The following NTM variants were observed in gnomAD, a reference collection of about 807,000 sequenced individuals.
NTM encodes the protein neurotrimin, also known as IgLON family member 2.
In NTM, 13 loss-of-function variants were observed where a neutral mutation model predicts 42.1. That is an observed-to-expected ratio of 0.31 (90% CI 0.20 to 0.49). The LOEUF (loss-of-function observed/expected upper bound fraction) is 0.49, where lower values mean the gene tolerates loss of function less well. NTM is among the 20% of genes least tolerant of loss of function. The pLI is 0.99. For missense variants in NTM, 373 were observed against 452.8 expected (o/e 0.82, Z 1.60); for synonymous variants, 187 against 179.2 (o/e 1.04, Z -0.35).
chr11:131,795,018 C>T (rs2091396923), intron 1 of NTM: 1 of 984,540 alleles, frequency 1.0e-6, no homozygotes, highest in African/African-American at 1.7e-5. Context: ...AGCCGTGCTC[C>T]TTCCTGGACC....
chr11:131,838,566 G>T (rs1299975926), intron 1 of NTM, among the ~76,000 whole-genome samples: 4 of 152,144 alleles, frequency 2.6e-5, no homozygotes, highest in African/African-American at 9.7e-5. Flanking sequence ...GATAGTGTAG[G>T]TAAAGTGCCA....
At chr11:132,315,850 G>T (rs1286275924) in intron 7 of NTM, among the ~76,000 whole-genome samples, 1 of 152,164 alleles carries the variant, frequency 6.6e-6, no homozygotes, top group East Asian at 1.9e-4. Context: ...CAGTGGCTTG[G>T]AATGGGCAGA....
chr11:131,688,470 G>A (rs1041309226), intron 1 of NTM, among the ~76,000 whole-genome samples: 13 of 152,264 alleles, frequency 8.5e-5, no homozygotes, highest in African/African-American at 3.1e-4. Flanking sequence ...TTTTGGAGAA[G>A]TCAGTGAGTT....
chr11:131,748,927 C>A (rs2082152693), intron 1 of NTM, among the ~76,000 whole-genome samples: 1 of 152,176 alleles, frequency 6.6e-6, no homozygotes, highest in Non-Finnish European at 1.5e-5. Context: ...AGAGGGGCCC[C>A]GGCTCGGCCT....
rs190105888 is a variant in NTM at position 131,539,844 on chromosome 11, C to T, written c.82+168956C>T. Among the ~76,000 whole-genome samples the T allele has an allele frequency of 5.6e-4, 85 of 152,228 alleles. 2 individuals carry two copies. In the East Asian group the frequency reaches 0.014, roughly 25 times the overall value. ...CTGAGCTACTAGGAGAATGAGAGGC[C>T]CTATGTTATCTGGCCTCTGCCTCTA... On this transcript the variant is annotated intron_variant, in intron 1 of 8. Transcript: ENST00000683400.
At chr11:131,436,067 C>A (rs1283869412) in intron 1 of NTM, among the ~76,000 whole-genome samples, 2 of 152,140 alleles carry the variant, frequency 1.3e-5, no homozygotes, top group African/African-American at 4.8e-5. Flanking sequence ...AACGTTGGAT[C>A]TGTTTATGTG....
rs189011117 is a variant in NTM, at chr11:131,997,321, C to T, written c.167+85673C>T. Among the ~76,000 whole-genome samples the T allele has an allele frequency of 2.6e-5, 4 of 152,320 alleles. No individual in the cohort carries two copies. In the East Asian group the frequency reaches 7.7e-4, roughly 29 times the overall value. On this transcript the variant is annotated intron_variant, in intron 2 of 8. Transcript: ENST00000683400. ...TAGGAATGGCCATACTGCATCATTC[C>T]TGTTCCTCTGTCTATGACTTCTGCA...
chr11:131,690,338 A>G (rs2074494904), intron 1 of NTM, among the ~76,000 whole-genome samples: 1 of 152,188 alleles, frequency 6.6e-6, no homozygotes. Flanking sequence ...GCAGGTAGAG[A>G]TGTGAACCCC....
intron 3 of NTM, among the ~76,000 whole-genome samples, chr11:132,179,194 C>T (rs1400378799): frequency 6.6e-6 from 1 of 152,116 alleles, no homozygotes; most frequent in Non-Finnish European, 1.5e-5. Flanking sequence ...CAAAACCAAA[C>T]CGGATCAAGG....
chr11:132,130,174 A>C (rs2066564677), intron 2 of NTM, among the ~76,000 whole-genome samples: 1 of 152,216 alleles, frequency 6.6e-6, no homozygotes, highest in Non-Finnish European at 1.5e-5. Flanking sequence ...CAGTAATAGG[A>C]AATCATCTTG....
intron 4 of NTM, among the ~76,000 whole-genome samples, chr11:132,270,609 A>C (rs1018308136): frequency 4.0e-5 from 6 of 151,730 alleles, no homozygotes; most frequent in African/African-American, 1.5e-4. Flanking sequence ...TATGACTAAA[A>C]CTGTTATGAA....
At chr11:131,703,188 T>C (rs2076248277) in intron 1 of NTM, among the ~76,000 whole-genome samples, 1 of 152,216 alleles carries the variant, frequency 6.6e-6, no homozygotes, top group African/African-American at 2.4e-5. Flanking sequence ...TTATGTGTTG[T>C]ATATTTCAAA....
chr11:131,848,401 T>A (rs892938026), intron 1 of NTM, among the ~76,000 whole-genome samples: 1 of 152,232 alleles, frequency 6.6e-6, no homozygotes, highest in Non-Finnish European at 1.5e-5. Context: ...CCATTTGGAA[T>A]GCTTTTCATC....
rs1055045203 is a variant in NTM, at chr11:132,236,447, G to C, written c.526+24300G>C. ...GTTTCCATCTGCTTCACATTTGTCAGCCGCTTCTCCAATTGTAACTTGGGA... is the reference window on the plus strand; with the variant it reads ...GTTTCCATCTGCTTCACATTTGTCACCCGCTTCTCCAATTGTAACTTGGGA... On this transcript the variant is annotated intron_variant, in intron 4 of 8. Coordinates refer to ENST00000683400, the MANE Select transcript of NTM (RefSeq NM_001352005.2). Among the ~76,000 whole-genome samples, 4 of 152,260 alleles carry C rather than the reference G, an allele frequency of 2.6e-5. No homozygotes were observed. In the South Asian group the frequency reaches 8.3e-4, roughly 32 times the overall value.
chr11:131,587,694 G>C (rs554734607), intron 1 of NTM, among the ~76,000 whole-genome samples: 1 of 152,138 alleles, frequency 6.6e-6, no homozygotes, highest in African/African-American at 2.4e-5. Context: ...CTGCATGAGT[G>C]GAATTGTATC....
chr11:131,684,442 C>T (rs1415209252), intron 1 of NTM, among the ~76,000 whole-genome samples: 2 of 152,238 alleles, frequency 1.3e-5, no homozygotes, highest in African/African-American at 4.8e-5. Flanking sequence ...CTTTTCTCAA[C>T]AGCCTCTGAG....
chr11:131,880,355 G>A (rs1476757101), intron 1 of NTM, among the ~76,000 whole-genome samples: 1 of 152,216 alleles, frequency 6.6e-6, no homozygotes, highest in African/African-American at 2.4e-5. Flanking sequence ...ATAGGCTAGA[G>A]AAGGAGAGGA....
chr11:132,143,149 C>G (rs1448116651), intron 2 of NTM, among the ~76,000 whole-genome samples: 1 of 152,152 alleles, frequency 6.6e-6, no homozygotes, highest in African/African-American at 2.4e-5. Context: ...AAAACTGTTT[C>G]ATACCAGGGT....
intron 2 of NTM, among the ~76,000 whole-genome samples, chr11:132,067,247 A>G (rs939161192): frequency 6.6e-6 from 1 of 152,220 alleles, no homozygotes; most frequent in Non-Finnish European, 1.5e-5. Flanking sequence ...ACTGTACCCA[A>G]CCAGCTTTTG....
Sources: gnomAD v4.1 joint callset for allele counts (sites outside exome capture counted in the v4.1 genomes callset) on GRCh38, gnomAD v4.1.1 for gene constraint, MANE v1.5 for transcripts, NCBI Gene and HGNC (gene_info 2026-07-23, HGNC 2026-07-21) for gene names.